The following DOCK1 variants were observed in gnomAD, a reference collection of about 807,000 sequenced individuals.
DOCK1 encodes the protein dedicator of cytokinesis 1.
In DOCK1, 138 loss-of-function variants were observed where a neutral mutation model predicts 262.7. The observed-to-expected ratio is 0.53, with a 90% CI of 0.46 to 0.61. The LOEUF is 0.61. Ranked by LOEUF, DOCK1 falls within the 20% of genes least tolerant of loss-of-function variation. DOCK1 has a pLI of 0.00. For missense variants in DOCK1, 1,908 were observed against 2,370.7 expected (o/e 0.80, Z 4.05); for synonymous variants, 866 against 867.4 (o/e 1.00, Z 0.03).
chr10:127,243,176 T>C (rs2059320917), intron 27 of DOCK1, among the ~76,000 whole-genome samples: 1 of 152,286 alleles, frequency 6.6e-6, no homozygotes, highest in South Asian at 2.1e-4. Context: ...TTATTACACC[T>C]TCACAGCTCC....
At chr10:127,051,796 TG>T (rs1443376731) in intron 21 of DOCK1, among the ~76,000 whole-genome samples, 2 of 152,172 alleles carry the variant, frequency 1.3e-5, no homozygotes, top group Non-Finnish European at 2.9e-5. Context: ...TTGTCCAGGC[TG>T]GTCTCAAACT....
At chr10:127,214,909 G>A (rs1434789383) in intron 27 of DOCK1, among the ~76,000 whole-genome samples, 1 of 152,192 alleles carries the variant, frequency 6.6e-6, no homozygotes, top group Non-Finnish European at 1.5e-5. Context: ...ACATATGCGT[G>A]TAGTTTCTAT....
chr10:127,330,878 A>T (rs1427292033), intron 29 of DOCK1, among the ~76,000 whole-genome samples: 1 of 152,238 alleles, frequency 6.6e-6, no homozygotes, highest in African/African-American at 2.4e-5. Context: ...TCAAAAAAAT[A>T]CCAGCATTAG....
chr10:127,055,942 C>A (rs868134108), intron 22 of DOCK1, among the ~76,000 whole-genome samples: 4 of 152,330 alleles, frequency 2.6e-5, no homozygotes, highest in South Asian at 2.1e-4. Context: ...GATCGCTCTA[C>A]CTGCCTTTGT....
intron 29 of DOCK1, among the ~76,000 whole-genome samples, chr10:127,262,242 CTG>C (rs199896776): frequency 1.4e-5 from 2 of 139,912 alleles, no homozygotes; most frequent in Admixed American, 7.2e-5. Flanking sequence ...CCGTGCTCAT[CTG>C]TGTGTGTACC....
chr10:127,206,295 C>T (rs1564902903), intron 27 of DOCK1, among the ~76,000 whole-genome samples: 1 of 151,984 alleles, frequency 6.6e-6, no homozygotes, highest in Non-Finnish European at 1.5e-5. Flanking sequence ...AGGCACCCGC[C>T]ACCATGCCCA....
chr10:127,232,166 G>A (rs1490437909), intron 27 of DOCK1, among the ~76,000 whole-genome samples: 1 of 151,954 alleles, frequency 6.6e-6, no homozygotes, highest in Non-Finnish European at 1.5e-5. Context: ...GCATCTTGGT[G>A]GTCATATGTA....
At chr10:127,366,049 A>T (rs1465939115) in intron 33 of DOCK1, among the ~76,000 whole-genome samples, 1 of 152,078 alleles carries the variant, frequency 6.6e-6, no homozygotes, top group Non-Finnish European at 1.5e-5. Flanking sequence ...GCTTGGATGT[A>T]TGTAAATCCA....
At chr10:127,066,418 CTT>C (rs34548329) in intron 23 of DOCK1, among the ~76,000 whole-genome samples, 1 of 152,144 alleles carries the variant, frequency 6.6e-6, no homozygotes. Context: ...CTTGGCATCT[CTT>C]TTGGTGTTTT....
At chr10:127,007,003 C>T (rs67800040) in intron 10 of DOCK1, among the ~76,000 whole-genome samples, 14,548 of 152,194 alleles carry the variant, frequency 0.096, 801 homozygotes, top group East Asian at 0.21. Context: ...GTGGGTGCTG[C>T]AGTCAGTCGC....
intron 31 of DOCK1, among the ~76,000 whole-genome samples, chr10:127,352,498 G>C (rs2063933881): frequency 6.6e-6 from 1 of 152,072 alleles, no homozygotes; most frequent in Non-Finnish European, 1.5e-5. Flanking sequence ...GATTTCCCTG[G>C]GATCATTATC....
At chr10:127,280,030 ATAT>A (rs1285753956) in intron 29 of DOCK1, among the ~76,000 whole-genome samples, 8 of 139,704 alleles carry the variant, frequency 5.7e-5, no homozygotes, top group African/African-American at 2.1e-4. Flanking sequence ...ATATATATAT[ATAT>A]AATTTTTTTT....
intron 27 of DOCK1, among the ~76,000 whole-genome samples, chr10:127,206,186 C>T (rs1450900914): frequency 7.2e-6 from 1 of 138,004 alleles, no homozygotes; most frequent in Non-Finnish European, 1.5e-5. Context: ...CTCTGTTGCC[C>T]AGGCTATAGT....
In DOCK1 at chr10:126,977,278, C is replaced by T. The variant is rs1021423763; in HGVS notation, c.131-670C>T. ...TCTTCTGTGTGGCATCCATGGCATG[C>T]GGATGGTTCGAGTGTGTCTTTCTTT... On this transcript the variant is annotated intron_variant, in intron 2 of 51. Coordinates refer to ENST00000623213, the MANE Select transcript of DOCK1 (RefSeq NM_001290223.2). Among the ~76,000 whole-genome samples, 8 of 152,124 alleles carry T rather than the reference C, an allele frequency of 5.3e-5. 1 individual carries two copies. Among genetic ancestry groups the T allele is most frequent in the South Asian group, 4.1e-4 (2 of 4,834 alleles).
intron 23 of DOCK1, among the ~76,000 whole-genome samples, chr10:127,081,413 T>C (rs753858450): frequency 6.6e-6 from 1 of 151,006 alleles, no homozygotes; most frequent in South Asian, 2.1e-4. Flanking sequence ...CCTTTAGGAG[T>C]AGACAATGAC....
At chr10:127,214,344 C>A (rs568381202) in intron 27 of DOCK1, among the ~76,000 whole-genome samples, 50 of 152,320 alleles carry the variant, frequency 3.3e-4, no homozygotes, top group South Asian at 1.2e-3. Flanking sequence ...TCCCTCGCTT[C>A]TCTTTTTAGT....
intron 28 of DOCK1, among the ~76,000 whole-genome samples, chr10:127,253,465 A>G (rs2134883392): frequency 6.6e-6 from 1 of 152,294 alleles, no homozygotes; most frequent in African/African-American, 2.4e-5. Context: ...AGTTAGCATC[A>G]GATTCTGCAA....
chr10:127,222,982 C>G (rs1308213356), intron 27 of DOCK1, among the ~76,000 whole-genome samples: 1 of 152,100 alleles, frequency 6.6e-6, no homozygotes, highest in Non-Finnish European at 1.5e-5. Flanking sequence ...GAGCCAGTTT[C>G]TCCTAGGTTT....
intron 29 of DOCK1, among the ~76,000 whole-genome samples, chr10:127,260,287 T>TG (rs1274155561): frequency 6.6e-6 from 1 of 152,206 alleles, no homozygotes; most frequent in Non-Finnish European, 1.5e-5. Context: ...GAAGCCACAG[T>TG]GCTCAGTGTC....
Sources: allele counts gnomAD v4.1 joint callset (sites outside exome capture counted in the v4.1 genomes callset), GRCh38; gene constraint gnomAD v4.1.1; transcripts MANE v1.5; gene names NCBI Gene and HGNC (gene_info 2026-07-23, HGNC 2026-07-21).